Variants in DNAJC6 observed in about 807,000 individuals in gnomAD.
DNAJC6 encodes DnaJ heat shock protein family (Hsp40) member C6.
A neutral mutation model predicts 110.0 loss-of-function variants in DNAJC6; 34 were observed. The ratio of observed to expected loss-of-function variants is 0.31; its 90% CI spans 0.24 to 0.41. The LOEUF is 0.41. DNAJC6 is among the 10% of genes least tolerant of loss of function. The pLI is 1.00. For missense variants in DNAJC6, 1,031 were observed against 1,207.8 expected, an observed-to-expected ratio of 0.85 and a Z score of 2.17; for synonymous variants, 406 against 437.2, an observed-to-expected ratio of 0.93 and a Z score of 0.89.
intron 1 of DNAJC6, among the ~76,000 whole-genome samples, chr1:65,295,891 G>A (rs958287171): frequency 6.6e-6 from 1 of 152,204 alleles, no homozygotes; most frequent in African/African-American, 2.4e-5. Context: ...GTAATACTCA[G>A]TAAATCCTTA....
intron 11 of DNAJC6, among the ~76,000 whole-genome samples, chr1:65,392,075 C>T (rs533045215): frequency 2.0e-5 from 3 of 152,234 alleles, no homozygotes. Context: ...CACGCCCGGC[C>T]GTTAGGTACA....
intron 1 of DNAJC6, among the ~76,000 whole-genome samples, chr1:65,329,555 C>T (rs932064980): frequency 5.9e-5 from 9 of 151,964 alleles, no homozygotes; most frequent in African/African-American, 2.4e-5. Context: ...TATTCCCACT[C>T]ATGATCCTGA....
rs552995938 is a variant in DNAJC6, at chr1:65,394,955, G to A, written c.1961G>A (p.Gly654Asp). The A allele has an allele frequency of 5.6e-6, 9 of 1,612,346 alleles. No homozygotes were observed. In the East Asian group the frequency reaches 1.3e-4, roughly 24 times the overall value. ...PSKPSGQDLL[G>D]SFLNTSSASS... The stretch of plus-strand genomic sequence containing the variant: ...AAACCATCAGGTCAGGATTTGCTGG[G>A]TTCTTTTCTGAACACATCCAGTGCT... Residue 654 changes from glycine to aspartate, a missense_variant, in exon 13 of 19, where the codon GGT (glycine) becomes GAT (aspartate). Coordinates refer to ENST00000371069, the MANE Select transcript of DNAJC6 (RefSeq NM_001256864.2).
chr1:65,288,111 A>G (rs1654081268), intron 1 of DNAJC6, among the ~76,000 whole-genome samples: 1 of 152,046 alleles, frequency 6.6e-6, no homozygotes, highest in African/African-American at 2.4e-5. Flanking sequence ...GGGTTGGGGA[A>G]TGGCAACTGC....
At chr1:65,340,924 T>C (rs1347826161) in intron 1 of DNAJC6, among the ~76,000 whole-genome samples, 4 of 152,174 alleles carry the variant, frequency 2.6e-5, no homozygotes, top group Non-Finnish European at 4.4e-5. Context: ...AAAATTTGCA[T>C]TTTTTAAAAC....
intron 1 of DNAJC6, among the ~76,000 whole-genome samples, chr1:65,363,911 A>C (rs1160357930): frequency 6.6e-6 from 1 of 152,142 alleles, no homozygotes; most frequent in African/African-American, 2.4e-5. Flanking sequence ...ATGCATCCTA[A>C]GGCCTAAAAG....
chr1:65,315,285 G>GTT lies in DNAJC6; in HGVS notation c.193+5358_193+5359dup, dbSNP rs59005722. ...AATTATCCTAAGCTTTGAGAATAAT[G>GTT]TTTTTTTTTTTTATTATTTTGCACA... is the stretch of plus-strand genomic sequence containing the variant. On this transcript the variant is annotated intron_variant, in intron 1 of 18. Coordinates refer to ENST00000371069, the MANE Select transcript of DNAJC6 (RefSeq NM_001256864.2). Among the ~76,000 whole-genome samples, 785 of 145,836 alleles carry GTT rather than the reference G, an allele frequency of 5.4e-3. 7 individuals carry two copies. Among genetic ancestry groups the GTT allele is most frequent in the African/African-American group, 0.018 (725 of 40,688 alleles).
chr1:65,321,528 T>A (rs536627832), intron 1 of DNAJC6, among the ~76,000 whole-genome samples: 1 of 152,276 alleles, frequency 6.6e-6, no homozygotes, highest in African/African-American at 2.4e-5. Flanking sequence ...GATTTTTTTT[T>A]AAGAGAAGTT....
At position 65,366,103 on chromosome 1, in the gene DNAJC6, C is replaced by T; in HGVS notation, c.450C>T (p.Asp150=). 2 of 1,613,920 alleles carry T rather than the reference C, an allele frequency of 1.2e-6. No homozygotes were observed. The highest frequency in any genetic ancestry group is 1.7e-6 in the Non-Finnish European group (2 of 1,179,844). Residue 150 remains aspartate, a synonymous_variant, in exon 4 of 19, where the codon GAC becomes GAT. Coordinates refer to ENST00000371069, the MANE Select transcript of DNAJC6 (RefSeq NM_001256864.2). ...VDIGFRNQVD[D]IRSFLDSRHL... ...TAGGATTCAGGAATCAGGTTGATGA[C>T]ATTCGAAGCTTTTTGGATTCCAGAC...
chr1:65,413,356 C>A lies in DNAJC6; in HGVS notation c.*331C>A. On this transcript the variant is annotated 3_prime_UTR_variant, in exon 19 of 19. Coordinates refer to ENST00000371069, the MANE Select transcript of DNAJC6 (RefSeq NM_001256864.2). ...GGCCACCACCCATGAAGGCATAACA[C>A]CCATCACATTGTCTGAGAATAGGAT... The A allele has an allele frequency of 4.6e-6, 1 of 216,486 alleles. No individual in the cohort carries two copies. The highest frequency in any genetic ancestry group is 9.2e-6 in the Non-Finnish European group (1 of 108,840). 13.4% of individuals were successfully genotyped at this position (216,486 alleles called of 1,614,324 possible).
chr1:65,348,901 T>A (rs1645461484), intron 1 of DNAJC6, among the ~76,000 whole-genome samples: 1 of 148,234 alleles, frequency 6.7e-6, no homozygotes, highest in African/African-American at 2.5e-5. Context: ...TTCTGGCTTT[T>A]TGGCTATATA....
At chr1:65,292,330 T>TG (rs1476737251) in intron 1 of DNAJC6, among the ~76,000 whole-genome samples, 6 of 151,286 alleles carry the variant, frequency 4.0e-5, no homozygotes, top group African/African-American at 1.5e-4. Context: ...GTTTTTTTTT[T>TG]TTGTTTTTTT....
At chr1:65,349,018 G>A (rs1191099351) in intron 1 of DNAJC6, among the ~76,000 whole-genome samples, 14 of 137,780 alleles carry the variant, frequency 1.0e-4, no homozygotes, top group Non-Finnish European at 4.7e-5. Context: ...AAGTATATGT[G>A]AATACATATA....
rs894727800 is a variant in DNAJC6, at chr1:65,413,186, A to T, written c.*161A>T. The T allele has an allele frequency of 1.7e-6, 1 of 595,068 alleles. No homozygotes were observed. The highest frequency in any genetic ancestry group is 2.9e-6 in the Non-Finnish European group (1 of 350,168). The allele number at this position is 595,068 out of a possible 1,614,324, so 36.9% of individuals were successfully genotyped here. On this transcript the variant is annotated 3_prime_UTR_variant, in exon 19 of 19. Transcript: ENST00000371069. Reference sequence around the variant, plus strand: ...AATTTCTCATTGATAAGGAATGTGGATGTTTGGTTTCTCCAAAGTTCCCAC... The same window carrying T: ...AATTTCTCATTGATAAGGAATGTGGTTGTTTGGTTTCTCCAAAGTTCCCAC...
At position 65,325,403 on chromosome 1, in the gene DNAJC6, C is replaced by G. The variant is rs534044213; in HGVS notation, c.193+15465C>G. 5.1e-4 allele frequency among the ~76,000 whole-genome samples: 78 copies of G among 152,250 alleles called. 1 individual carries two copies. Among genetic ancestry groups the G allele is most frequent in the African/African-American group, 1.9e-3 (78 of 41,526 alleles). On this transcript the variant is annotated intron_variant, in intron 1 of 18. Coordinates refer to ENST00000371069, the MANE Select transcript of DNAJC6 (RefSeq NM_001256864.2). ...TCTGCTGCGTGGGCTCAAAGCCTGGCTTTGCCACTTCTAGTTTATGTGATT... is the reference window on the plus strand; with the variant it reads ...TCTGCTGCGTGGGCTCAAAGCCTGGGTTTGCCACTTCTAGTTTATGTGATT...
intron 1 of DNAJC6, among the ~76,000 whole-genome samples, chr1:65,294,663 A>G (rs1644912541): frequency 6.6e-6 from 1 of 151,730 alleles, no homozygotes; most frequent in Non-Finnish European, 1.5e-5. Context: ...CTTATTGATT[A>G]CATGTTGAAA....
chr1:65,386,024 TA>T (rs1485713595), intron 7 of DNAJC6, 118 bp downstream of exon 7: 44 of 1,064,040 alleles, frequency 4.1e-5, no homozygotes, highest in Non-Finnish European at 5.5e-5. Flanking sequence ...AGCTGATATA[TA>T]AAAAATGTTC....
At chr1:65,268,444 A>G (rs1373499298) in intron 1 of DNAJC6, among the ~76,000 whole-genome samples, 1 of 152,226 alleles carries the variant, frequency 6.6e-6, no homozygotes, top group Non-Finnish European at 1.5e-5. Context: ...AACAATAAGA[A>G]CCATAGCTCC....
chr1:65,377,796 A>G (rs1481861631), intron 4 of DNAJC6, among the ~76,000 whole-genome samples: 2 of 152,236 alleles, frequency 1.3e-5, no homozygotes, highest in African/African-American at 4.8e-5. Flanking sequence ...GGGCTAATCA[A>G]ACAAATTCCT....
Sources: allele counts gnomAD v4.1 joint callset (sites outside exome capture counted in the v4.1 genomes callset), GRCh38; gene constraint gnomAD v4.1.1; transcripts MANE v1.5; gene names NCBI Gene and HGNC (gene_info 2026-07-23, HGNC 2026-07-21).